KRT8: variants seen among roughly 807,000 people sequenced by gnomAD.
KRT8 encodes the protein keratin 8.
A neutral mutation model predicts 43.0 loss-of-function variants in KRT8; 24 were observed. That is an observed-to-expected ratio of 0.56 (90% CI 0.40 to 0.78). The LOEUF (loss-of-function observed/expected upper bound fraction) is 0.78. Among genes scored for constraint, KRT8 ranks in the 30% least tolerant of loss-of-function variants. The pLI, the probability that KRT8 is intolerant of heterozygous loss-of-function variation, is 0.00. For synonymous variants in KRT8, 214 were observed against 261.2 expected (o/e 0.82, Z 1.74); for missense variants, 492 against 638.4 (o/e 0.77, Z 2.47).
chr12:52,948,033 GT>G (rs1942376779), intron 2 of KRT8: 1 of 152,236 alleles, frequency 6.6e-6, no homozygotes. Context: ...GTGTGCAGAA[GT>G]CAGGATGCAT....
intron 2 of KRT8, among the ~76,000 whole-genome samples, chr12:52,928,860 C>T (rs1254095238): frequency 2.0e-5 from 3 of 152,054 alleles, no homozygotes; most frequent in African/African-American, 4.8e-5. Flanking sequence ...GAGACAAGAT[C>T]GTGCCATTGC....
chr12:52,945,317 C>CCACCA (rs1748313686), intron 2 of KRT8, among the ~76,000 whole-genome samples: 1 of 152,156 alleles, frequency 6.6e-6, no homozygotes, highest in Non-Finnish European at 1.5e-5. Context: ...CCAGCCCACC[C>CCACCA]CACCACAGGG....
At chr12:52,908,168 G>A (rs1941561861), upstream of KRT8, among the ~76,000 whole-genome samples, 1 of 152,202 alleles carries the variant, frequency 6.6e-6, no homozygotes, top group Admixed American at 6.5e-5. Flanking sequence ...GGGCCAGTGG[G>A]GTGGGGAGGT....
chr12:52,931,070 TC>T (rs974716608), intron 2 of KRT8, among the ~76,000 whole-genome samples: 23 of 146,112 alleles, frequency 1.6e-4, no homozygotes, highest in African/African-American at 2.0e-4. Context: ...TCCCCCAGAT[TC>T]TTTTTTTTTT....
chr12:52,906,251 G>T (rs186458741), upstream of KRT8, among the ~76,000 whole-genome samples: 23 of 152,288 alleles, frequency 1.5e-4, no homozygotes, highest in Non-Finnish European at 2.4e-4. Context: ...CAGGGGTTGG[G>T]GGGGGCAAGA....
At chr12:52,927,248 T>C (rs1179890558) in intron 2 of KRT8, among the ~76,000 whole-genome samples, 3 of 152,030 alleles carry the variant, frequency 2.0e-5, no homozygotes, top group Non-Finnish European at 4.4e-5. Context: ...AGAGTTCCAG[T>C]CCTTCTCTCC....
upstream of KRT8, among the ~76,000 whole-genome samples, chr12:52,910,179 TC>T (rs1306676117): frequency 1.3e-5 from 2 of 152,298 alleles, no homozygotes; most frequent in East Asian, 3.9e-4. Context: ...CAGCTATGGC[TC>T]AGTCCACAGA....
upstream of KRT8, among the ~76,000 whole-genome samples, chr12:52,907,615 G>A (rs995583165): frequency 9.9e-5 from 15 of 152,216 alleles, no homozygotes; most frequent in African/African-American, 3.4e-4. Flanking sequence ...GCAGGCTGGA[G>A]GGCTGACCCA....
chr12:52,937,909 A>G (rs1359233440), intron 2 of KRT8, among the ~76,000 whole-genome samples: 2 of 149,742 alleles, frequency 1.3e-5, no homozygotes, highest in Non-Finnish European at 3.0e-5. Context: ...CTGAGGCAAG[A>G]GAATTGCTTA....
intron 2 of KRT8, among the ~76,000 whole-genome samples, chr12:52,912,139 G>A (rs1052360848): frequency 6.6e-6 from 1 of 152,258 alleles, no homozygotes; most frequent in Non-Finnish European, 1.5e-5. Flanking sequence ...ACAGGGCAAG[G>A]TCTGAGGGAA....
intron 2 of KRT8, among the ~76,000 whole-genome samples, chr12:52,939,080 G>T (rs1225988319): frequency 3.3e-5 from 5 of 151,768 alleles, no homozygotes; most frequent in African/African-American, 1.2e-4. Context: ...GCAAGACCCT[G>T]TATCTTAAAA....
At chr12:52,926,332 G>GCCCCA in intron 2 of KRT8, 4 of 600,272 alleles carry the variant, frequency 6.7e-6, no homozygotes, top group East Asian at 3.3e-5. Context: ...GGCACTAGCT[G>GCCCCA]CCCTCCCCAC....
intron 2 of KRT8, among the ~76,000 whole-genome samples, chr12:52,935,815 GAATTTTATCAA>G (rs1942161624): frequency 1.3e-5 from 2 of 151,740 alleles, no homozygotes; most frequent in Admixed American, 1.3e-4. Flanking sequence ...GCCCATAATG[GAATTTTATCAA>G]AATTAAAACT....
chr12:52,941,453 C>T (rs1017489966), intron 2 of KRT8, among the ~76,000 whole-genome samples: 1 of 149,780 alleles, frequency 6.7e-6, no homozygotes, highest in Non-Finnish European at 1.5e-5. Flanking sequence ...CCTTAGCCCC[C>T]GGGCTCCTCT....
At chr12:52,924,731 G>T (rs867773863) in intron 2 of KRT8, among the ~76,000 whole-genome samples, 1 of 152,246 alleles carries the variant, frequency 6.6e-6, no homozygotes, top group Non-Finnish European at 1.5e-5. Context: ...GATGGGAAAA[G>T]ACCATGCACT....
chr12:52,907,946 G>A (rs1344565877), upstream of KRT8, among the ~76,000 whole-genome samples: 2 of 152,244 alleles, frequency 1.3e-5, no homozygotes, highest in African/African-American at 4.8e-5. Context: ...TCTACACACA[G>A]CTGCCTGCCG....
At chr12:52,917,111 C>T (rs544790490) in intron 2 of KRT8, among the ~76,000 whole-genome samples, 6 of 152,266 alleles carry the variant, frequency 3.9e-5, no homozygotes, top group Admixed American at 6.5e-5. Flanking sequence ...AGTCTGCGGC[C>T]GGGCACACTG....
chr12:52,919,543 C>T (rs545446958), intron 2 of KRT8, among the ~76,000 whole-genome samples: 8 of 152,210 alleles, frequency 5.3e-5, no homozygotes, highest in African/African-American at 1.4e-4. Flanking sequence ...GCTGGGATTA[C>T]AGGTGTGAGC....
chr12:52,900,418 T>C (rs1941338572), intron 4 of KRT8, among the ~76,000 whole-genome samples, 170 bp downstream of exon 4: 1 of 152,146 alleles, frequency 6.6e-6, no homozygotes. Flanking sequence ...GGACAGAACA[T>C]ATAGACCCAA....
Sources: gnomAD v4.1 joint callset for allele counts (sites outside exome capture counted in the v4.1 genomes callset) on GRCh38, gnomAD v4.1.1 for gene constraint, MANE v1.5 for transcripts, NCBI Gene and HGNC (gene_info 2026-07-23, HGNC 2026-07-21) for gene names.